Variants in OR14I1 observed in about 807,000 individuals in gnomAD.
OR14I1 encodes olfactory receptor family 14 subfamily I member 1.
For missense variants in OR14I1, 279 were observed against 181.8 expected (o/e 1.53, Z -3.07); for synonymous variants, 118 against 71.1 (o/e 1.66, Z -3.32).
the OR14I1 span, among the ~76,000 whole-genome samples, chr1:248,699,855 T>G: frequency 6.6e-6 from 1 of 152,070 alleles, no homozygotes; most frequent in South Asian, 2.1e-4. Context: ...GCCTCCTGGG[T>G]CAAGCAATTC....
chr1:248,684,441 C>T (rs566556203), upstream of OR14I1, among the ~76,000 whole-genome samples: 93 of 152,240 alleles, frequency 6.1e-4, 1 homozygote, highest in Middle Eastern at 0.014. Context: ...ACTGAAGATG[C>T]GCAAGTTTGA....
At chr1:248,688,159 A>T in the OR14I1 span, among the ~76,000 whole-genome samples, 1 of 152,220 alleles carries the variant, frequency 6.6e-6, no homozygotes, top group African/African-American at 2.4e-5. Context: ...TAGAAAATTT[A>T]TATCTCAAAA....
chr1:248,701,280 T>C, the OR14I1 span, among the ~76,000 whole-genome samples: 2 of 152,116 alleles, frequency 1.3e-5, no homozygotes, highest in Non-Finnish European at 2.9e-5. Context: ...GCCTCCCAAG[T>C]AGCTGGGATT....
the OR14I1 span, among the ~76,000 whole-genome samples, chr1:248,690,575 A>G: frequency 7.9e-6 from 1 of 126,410 alleles, no homozygotes; most frequent in Non-Finnish European, 1.6e-5. Flanking sequence ...TCTGAAATCC[A>G]GGCAGTAATT....
upstream of OR14I1, among the ~76,000 whole-genome samples, chr1:248,684,550 A>G (rs1020733090): frequency 2.0e-5 from 3 of 152,206 alleles, no homozygotes; most frequent in Non-Finnish European, 2.9e-5. Context: ...AATTACCATC[A>G]CTAGGAAAAT....
exon 1 of OR14I1, chr1:248,681,386 A>G (rs779771086): frequency 1.3e-6 from 1 of 752,790 alleles, no homozygotes; most frequent in Admixed American, 1.9e-5. Flanking sequence ...TGCAGAAAAT[A>G]TATCTTCACA....
At chr1:248,694,366 T>C in the OR14I1 span, among the ~76,000 whole-genome samples, 1 of 152,332 alleles carries the variant, frequency 6.6e-6, no homozygotes, top group East Asian at 1.9e-4. Context: ...ATAAATAATA[T>C]ATGCCTATGA....
downstream of OR14I1, among the ~76,000 whole-genome samples, chr1:248,679,523 C>T (rs375397311): frequency 2.6e-5 from 4 of 152,010 alleles, no homozygotes; most frequent in African/African-American, 7.3e-5. Context: ...TTATAATGTG[C>T]TTGTCTTTCT....
chr1:248,681,978 C>T (rs1261077755), exon 1 of OR14I1: 1 of 780,998 alleles, frequency 1.3e-6, no homozygotes, highest in Admixed American at 1.7e-5. Context: ...GGAAGGCCAG[C>T]TCAGCAGATG....
the OR14I1 span, among the ~76,000 whole-genome samples, chr1:248,702,533 C>G: frequency 6.6e-6 from 1 of 151,738 alleles, no homozygotes; most frequent in Non-Finnish European, 1.5e-5. Context: ...TTTTGCCTTT[C>G]CCACTGCCAC....
chr1:248,686,759 G>A (rs1661662904), upstream of OR14I1, among the ~76,000 whole-genome samples: 1 of 121,226 alleles, frequency 8.2e-6, no homozygotes, highest in African/African-American at 2.9e-5. Flanking sequence ...TACAAGACCA[G>A]CAATACCTTG....
chr1:248,679,536 G>T (rs1230735717), downstream of OR14I1, among the ~76,000 whole-genome samples: 1 of 151,976 alleles, frequency 6.6e-6, no homozygotes, highest in Non-Finnish European at 1.5e-5. Context: ...GTCTTTCTTA[G>T]AAGCCCTGTT....
At chr1:248,693,230 A>C in the OR14I1 span, among the ~76,000 whole-genome samples, 2 of 152,080 alleles carry the variant, frequency 1.3e-5, no homozygotes, top group Non-Finnish European at 2.9e-5. Flanking sequence ...GGCCAGGAGC[A>C]CTGACTGTTC....
downstream of OR14I1, among the ~76,000 whole-genome samples, chr1:248,678,333 G>C (rs1369382623): frequency 6.6e-6 from 1 of 152,146 alleles, no homozygotes; most frequent in Non-Finnish European, 1.5e-5. Flanking sequence ...TTATTTCAAA[G>C]ACTCATGAAT....
chr1:248,686,964 G>A (rs966276952), upstream of OR14I1, among the ~76,000 whole-genome samples: 6 of 152,170 alleles, frequency 3.9e-5, no homozygotes, highest in African/African-American at 1.4e-4. Flanking sequence ...ATAGAGACTG[G>A]GCCGCCACAG....
At chr1:248,680,279 T>C (rs1354176479), downstream of OR14I1, among the ~76,000 whole-genome samples, 1 of 152,246 alleles carries the variant, frequency 6.6e-6, no homozygotes, top group East Asian at 1.9e-4. Context: ...TACAGAATTT[T>C]ATGTTTTATT....
At chr1:248,701,159 T>C in the OR14I1 span, among the ~76,000 whole-genome samples, 1 of 148,276 alleles carries the variant, frequency 6.7e-6, no homozygotes, top group Non-Finnish European at 1.5e-5. Context: ...CACTTTTAAC[T>C]TTTTTTTTTT....
At chr1:248,700,874 T>C in the OR14I1 span, among the ~76,000 whole-genome samples, 3 of 152,352 alleles carry the variant, frequency 2.0e-5, no homozygotes, top group Admixed American at 2.0e-4. Context: ...CCAATGCTCA[T>C]TGGGTGAATC....
At chr1:248,694,774 G>A in the OR14I1 span, among the ~76,000 whole-genome samples, 1 of 152,154 alleles carries the variant, frequency 6.6e-6, no homozygotes, top group South Asian at 2.1e-4. Context: ...AAGAGCTTGT[G>A]CAAATTGTTC....
Sources: gnomAD v4.1 joint callset for allele counts (sites outside exome capture counted in the v4.1 genomes callset) on GRCh38, gnomAD v4.1.1 for gene constraint, MANE v1.5 for transcripts, NCBI Gene and HGNC (gene_info 2026-07-23, HGNC 2026-07-21) for gene names.